ASTN2: variants seen among roughly 807,000 people sequenced by gnomAD.
The protein encoded by ASTN2 is astrotactin-2.
A neutral mutation model predicts 139.8 loss-of-function variants in ASTN2; 54 were observed. The observed-to-expected ratio is 0.39, with a 90% CI of 0.31 to 0.48. ASTN2 has a LOEUF of 0.48. Ranked by LOEUF, ASTN2 falls within the 20% of genes least tolerant of loss-of-function variation. The pLI, the probability that ASTN2 is intolerant of heterozygous loss-of-function variation, is 0.95. For missense variants in ASTN2, 1,565 were observed against 1,725.1 expected (o/e 0.91, Z 1.64); for synonymous variants, 756 against 719.5 (o/e 1.05, Z -0.81).
chr9:116,911,000 C>A (rs1448645587), intron 10 of ASTN2, among the ~76,000 whole-genome samples: 1 of 152,158 alleles, frequency 6.6e-6, no homozygotes. Context: ...TGCCTTATAA[C>A]AGGTATTCAA....
At chr9:117,180,951 G>A in intron 3 of ASTN2, 1 of 1,597,808 alleles carries the variant, frequency 6.3e-7, no homozygotes, top group South Asian at 1.1e-5. Flanking sequence ...TGATAACTTG[G>A]CCAATGTGAA....
chr9:117,163,913 T>C (rs765977036), intron 3 of ASTN2, among the ~76,000 whole-genome samples: 4 of 152,108 alleles, frequency 2.6e-5, no homozygotes, highest in Non-Finnish European at 5.9e-5. Flanking sequence ...AGGCCATATT[T>C]GTATAACTTA....
Position 117,335,645 on chromosome 9 carries a change from G to A in ASTN2, c.443-44132C>T, listed in dbSNP as rs1321142996. 3.3e-5 allele frequency among the ~76,000 whole-genome samples: 5 copies of A among 152,068 alleles called. No homozygotes were observed. In the East Asian group the frequency reaches 5.8e-4, roughly 18 times the overall value. ...GGGGAAATCAAGGTCCCATAAAGGA[G>A]AATGGATTTTTTCACAGTCTTGTTC... On this transcript the variant is annotated intron_variant, in intron 1 of 22. Transcript: ENST00000313400.
At chr9:116,709,599 G>C (rs1345732639) in intron 16 of ASTN2, among the ~76,000 whole-genome samples, 1 of 152,158 alleles carries the variant, frequency 6.6e-6, no homozygotes, top group Non-Finnish European at 1.5e-5. Flanking sequence ...AGCAAAAACA[G>C]TTTTCTATCC....
chr9:116,557,772 C>T (rs1587997916), intron 19 of ASTN2: 1 of 152,156 alleles, frequency 6.6e-6, no homozygotes, highest in South Asian at 2.1e-4. Context: ...TATCTTCTGT[C>T]TTTGAGCAAT....
intron 5 of ASTN2, among the ~76,000 whole-genome samples, chr9:117,051,844 C>T (rs1838919850): frequency 6.6e-6 from 1 of 152,112 alleles, no homozygotes; most frequent in East Asian, 1.9e-4. Context: ...TCTACCCCAG[C>T]TTCCATGACA....
At chr9:116,693,231 CTT>C (rs1439306343) in intron 16 of ASTN2, among the ~76,000 whole-genome samples, 2 of 152,156 alleles carry the variant, frequency 1.3e-5, no homozygotes, top group East Asian at 1.9e-4. Flanking sequence ...TTACAGTACT[CTT>C]TTTATAAACT....
At chr9:116,903,305 C>T (rs902988997) in intron 10 of ASTN2, among the ~76,000 whole-genome samples, 21 of 152,088 alleles carry the variant, frequency 1.4e-4, no homozygotes, top group African/African-American at 5.1e-4. Flanking sequence ...TTTGTCTTCT[C>T]CCCCTAGAAT....
At chr9:116,562,845 G>C (rs1349646967) in intron 19 of ASTN2, among the ~76,000 whole-genome samples, 2 of 151,728 alleles carry the variant, frequency 1.3e-5, no homozygotes, top group African/African-American at 4.8e-5. Flanking sequence ...ACAGAGGGAA[G>C]GTTCGGAAAG....
At chr9:116,757,324 G>T (rs1829558881) in intron 13 of ASTN2, among the ~76,000 whole-genome samples, 1 of 152,168 alleles carries the variant, frequency 6.6e-6, no homozygotes, top group Admixed American at 6.5e-5. Flanking sequence ...CATCTGTGAA[G>T]CTATTTTTCT....
intron 11 of ASTN2, among the ~76,000 whole-genome samples, chr9:116,825,575 A>C (rs768459966): frequency 1.1e-4 from 17 of 152,190 alleles, no homozygotes; most frequent in Admixed American, 6.5e-4. Context: ...AGGATTCAAC[A>C]GGGGAGAAAT....
At chr9:117,212,197 CTG>C (rs1223442819) in intron 3 of ASTN2, among the ~76,000 whole-genome samples, 9 of 152,112 alleles carry the variant, frequency 5.9e-5, no homozygotes, top group Admixed American at 3.9e-4. Flanking sequence ...GCTGAGAAAA[CTG>C]AATATGCATA....
chr9:116,556,303 G>C (rs1852612872), intron 19 of ASTN2, among the ~76,000 whole-genome samples: 1 of 152,094 alleles, frequency 6.6e-6, no homozygotes, highest in Admixed American at 6.5e-5. Context: ...GTGGAGGAGA[G>C]GTCCTACATC....
intron 20 of ASTN2, among the ~76,000 whole-genome samples, chr9:116,460,168 G>A (rs539891439): frequency 6.6e-6 from 1 of 152,234 alleles, no homozygotes; most frequent in Non-Finnish European, 1.5e-5. Context: ...TATATTGCAT[G>A]ATTCCACTTA....
intron 4 of ASTN2, among the ~76,000 whole-genome samples, chr9:117,124,929 C>T (rs893906499): frequency 3.3e-5 from 5 of 152,026 alleles, no homozygotes; most frequent in African/African-American, 1.2e-4. Flanking sequence ...CCTGTGAAGG[C>T]TTCTCTGCAC....
At chr9:117,094,425 C>T (rs1443894309) in intron 5 of ASTN2, among the ~76,000 whole-genome samples, 2 of 152,128 alleles carry the variant, frequency 1.3e-5, no homozygotes, top group African/African-American at 4.8e-5. Flanking sequence ...TAGCCCAGGC[C>T]TGCTGAGGGG....
At chr9:117,203,528 C>T (rs564548556) in intron 3 of ASTN2, among the ~76,000 whole-genome samples, 1 of 151,932 alleles carries the variant, frequency 6.6e-6, no homozygotes, top group South Asian at 2.1e-4. Flanking sequence ...TTTGTGGGGG[C>T]CTTTGTTGTT....
In ASTN2 at chr9:117,415,034, C is replaced by G; in HGVS notation, c.-96G>C. 5.6e-6 allele frequency: 1 copy of G among 177,424 alleles called. No individual in the cohort carries two copies. Among genetic ancestry groups the G allele is most frequent in the Non-Finnish European group, 1.2e-5 (1 of 85,982 alleles). The allele number at this position is 177,424 out of a possible 1,614,324, so 11.0% of individuals were successfully genotyped here. ...GCTGCGGAGACGGCGGACGCCGAAG[C>G]GAACCAGGACGCCCGAGCTAAGGAG... On this transcript the variant is annotated 5_prime_UTR_variant, in exon 1 of 23. Transcript: ENST00000313400.
intron 16 of ASTN2, among the ~76,000 whole-genome samples, chr9:116,665,825 T>A (rs907967557): frequency 2.0e-5 from 3 of 152,204 alleles, no homozygotes; most frequent in African/African-American, 7.2e-5. Flanking sequence ...TAATTCATAA[T>A]GTTCTGAAAA....
Sources: gnomAD v4.1 joint callset for allele counts (sites outside exome capture counted in the v4.1 genomes callset) on GRCh38, gnomAD v4.1.1 for gene constraint, MANE v1.5 for transcripts, NCBI Gene and HGNC (gene_info 2026-07-23, HGNC 2026-07-21) for gene names.